The following CUL1 variants were observed in gnomAD, a reference collection of about 807,000 sequenced individuals.
The protein encoded by CUL1 is cullin-1.
CUL1 carries 24 observed loss-of-function variants against 118.0 expected under a neutral mutation model. That is an observed-to-expected ratio of 0.20 (90% CI 0.15 to 0.29). CUL1 has a LOEUF of 0.29. CUL1 is among the 10% of genes least tolerant of loss of function. The pLI is 1.00. For missense variants in CUL1, 361 were observed against 933.8 expected (o/e 0.39, Z 7.99); for synonymous variants, 332 against 340.4 (o/e 0.98, Z 0.27).
intron 1 of CUL1, among the ~76,000 whole-genome samples, chr7:148,721,027 C>A (rs990103679): frequency 6.6e-6 from 1 of 152,188 alleles, no homozygotes; most frequent in African/African-American, 2.4e-5. Flanking sequence ...TTCAGGCATT[C>A]CATTCATTTA....
intron 9 of CUL1, among the ~76,000 whole-genome samples, chr7:148,770,463 C>CT (rs1316094099): frequency 1.3e-5 from 2 of 152,180 alleles, no homozygotes; most frequent in African/African-American, 2.4e-5. Context: ...TCATGAAACT[C>CT]TGAGTTTTTT....
At chr7:148,786,824 T>G (rs1315672963) in intron 12 of CUL1, among the ~76,000 whole-genome samples, 165 bp from the exon 13 acceptor site, 1 of 152,204 alleles carries the variant, frequency 6.6e-6, no homozygotes, top group Non-Finnish European at 1.5e-5. Flanking sequence ...CACAAAACTT[T>G]CAAGACTCTG....
chr7:148,763,031 C>T (rs1292086472), intron 7 of CUL1, among the ~76,000 whole-genome samples: 1 of 152,050 alleles, frequency 6.6e-6, no homozygotes, highest in Non-Finnish European at 1.5e-5. Context: ...CCTGTTATCC[C>T]AGCTACTTGG....
In CUL1 at chr7:148,756,963, T is replaced by C. The variant is rs1359426246; in HGVS notation, c.316-20T>C. The stretch of plus-strand genomic sequence containing the variant: ...TGTGACAAATTAGTCATCTTAAAGC[T>C]TTAGTTAACTTGTTTTTAGGATGGA... On this transcript the variant is annotated intron_variant, in intron 3 of 21. Transcript: ENST00000325222. 2 of 1,552,144 alleles carry C rather than the reference T, an allele frequency of 1.3e-6. No individual in the cohort carries two copies. The highest frequency in any genetic ancestry group is 1.7e-6 in the Non-Finnish European group (2 of 1,144,330).
chr7:148,798,880 T>C (rs2129463908), intron 20 of CUL1, among the ~76,000 whole-genome samples: 3 of 152,288 alleles, frequency 2.0e-5, no homozygotes, highest in Middle Eastern at 6.8e-3. Flanking sequence ...AACAGGGCAG[T>C]CCTCTTGCTC....
intron 1 of CUL1, among the ~76,000 whole-genome samples, chr7:148,725,210 C>CGT (rs1396468294): frequency 1.5e-5 from 2 of 133,282 alleles, no homozygotes. Context: ...CACACACACA[C>CGT]ACGCGCGCGC....
intron 2 of CUL1, among the ~76,000 whole-genome samples, chr7:148,734,029 CAA>C (rs539507792): frequency 2.5e-5 from 3 of 118,982 alleles, no homozygotes; most frequent in Admixed American, 8.6e-5. Context: ...TTGGAAAAGC[CAA>C]AAAAAAAAAG....
In CUL1 at chr7:148,771,962, T is replaced by C. The variant is rs1800226841; in HGVS notation, c.1083+4213T>C. On this transcript the variant is annotated intron_variant, in intron 9 of 21. Transcript: ENST00000325222. ...AATGCCCACTGTGTGTGCCTGGCCC[T>C]GTGCTAGGCTCTTAATTTTTCTTAT... 2.6e-5 allele frequency among the ~76,000 whole-genome samples: 4 copies of C among 152,326 alleles called. No individual in the cohort carries two copies. In the South Asian group the frequency reaches 8.3e-4, roughly 32 times the overall value.
chr7:148,798,602 A>C lies in CUL1; in HGVS notation c.2061A>C (p.Pro687=). The change falls in exon 20 of 22, where the codon CCA becomes CCC. Residue 687 remains proline (P), a synonymous_variant. Transcript: ENST00000325222. ...AATTAAGGGTTAACATCAATGTGCCAATGAAAACCGAACAGAAGCAGGAAC... is the reference window on the plus strand; with the variant it reads ...AATTAAGGGTTAACATCAATGTGCCCATGAAAACCGAACAGAAGCAGGAAC... ...NKKLRVNINV[P]MKTEQKQEQE... The C allele has an allele frequency of 6.2e-7, 1 of 1,614,136 alleles. No homozygotes were observed. Among genetic ancestry groups the C allele is most frequent in the Non-Finnish European group, 8.5e-7 (1 of 1,179,954 alleles).
intron 2 of CUL1, among the ~76,000 whole-genome samples, chr7:148,738,957 T>TG (rs891790053): frequency 2.0e-5 from 3 of 152,116 alleles, no homozygotes; most frequent in Admixed American, 2.0e-4. Flanking sequence ...TGTGGCATTG[T>TG]GGGGGGCGGT....
At chr7:148,727,182 C>T (rs1464473873) in intron 1 of CUL1, among the ~76,000 whole-genome samples, 1 of 152,100 alleles carries the variant, frequency 6.6e-6, no homozygotes, top group African/African-American at 2.4e-5. Flanking sequence ...CTGTAATTTT[C>T]GTAAGCCTGT....
At chr7:148,739,080 A>G (rs1799056596) in intron 2 of CUL1, among the ~76,000 whole-genome samples, 2 of 152,216 alleles carry the variant, frequency 1.3e-5, no homozygotes, top group Non-Finnish European at 2.9e-5. Context: ...GGCACACCTC[A>G]TAATTCAGGA....
chr7:148,730,257 C>T lies in CUL1; in HGVS notation c.135C>T (p.Leu45=). ...QSMAKSRYME[L]YTHVYNYCTS... The stretch of plus-strand genomic sequence containing the variant: ...TGGCCAAGTCCAGATATATGGAGCT[C>T]TACACGTATCCTCCTGCCTAGCGCA... Residue 45 remains leucine (L), a synonymous_variant, in exon 2 of 22, where the codon CTC becomes CTT. Transcript: ENST00000325222. 1 of 1,612,438 alleles carries T rather than the reference C, an allele frequency of 6.2e-7. No homozygotes were observed. The highest frequency in any genetic ancestry group is 1.3e-5 in the African/African-American group (1 of 74,976).
intron 2 of CUL1, 23 bp downstream of exon 2, chr7:148,730,285 T>TTG: frequency 6.3e-7 from 1 of 1,584,476 alleles, no homozygotes; most frequent in Non-Finnish European, 8.6e-7. Flanking sequence ...CTAGCGCAGG[T>TTG]TGATTGCTTA....
chr7:148,770,143 TC>T (rs1319919819), intron 9 of CUL1, among the ~76,000 whole-genome samples: 6 of 152,200 alleles, frequency 3.9e-5, no homozygotes, highest in Non-Finnish European at 7.3e-5. Context: ...AAGTATACCT[TC>T]TATGTAAATC....
At chr7:148,710,557 G>A (rs1442226522) in intron 1 of CUL1, among the ~76,000 whole-genome samples, 3 of 152,180 alleles carry the variant, frequency 2.0e-5, no homozygotes, top group Non-Finnish European at 2.9e-5. Context: ...CGGACAGAGC[G>A]AGACTCCGTC....
chr7:148,699,771 C>T (rs1585517180), intron 1 of CUL1, among the ~76,000 whole-genome samples: 1 of 152,012 alleles, frequency 6.6e-6, no homozygotes, highest in Non-Finnish European at 1.5e-5. Context: ...GCCCGCCTAT[C>T]GCTCGCTAGT....
chr7:148,755,717 T>C (rs1223368592), intron 3 of CUL1, among the ~76,000 whole-genome samples: 1 of 152,232 alleles, frequency 6.6e-6, no homozygotes, highest in Non-Finnish European at 1.5e-5. Flanking sequence ...AAAGGTCAAG[T>C]ACCATCATCC....
chr7:148,766,197 C>A (rs1799996968), intron 7 of CUL1, among the ~76,000 whole-genome samples: 1 of 146,298 alleles, frequency 6.8e-6, no homozygotes, highest in Non-Finnish European at 1.5e-5. Flanking sequence ...GTGGCACAAT[C>A]ATAGCTTACT....
Sources: allele counts gnomAD v4.1 joint callset (sites outside exome capture counted in the v4.1 genomes callset), GRCh38; gene constraint gnomAD v4.1.1; transcripts MANE v1.5; gene names NCBI Gene and HGNC (gene_info 2026-07-23, HGNC 2026-07-21).